Variants in TRIP12 observed in about 807,000 individuals in gnomAD.
TRIP12 encodes E3 ubiquitin-protein ligase TRIP12.
In TRIP12, 25 loss-of-function variants were observed where a neutral mutation model predicts 244.2. The observed-to-expected ratio is 0.10, with a 90% CI of 0.07 to 0.14. TRIP12 has a LOEUF of 0.14. Among genes scored for constraint, TRIP12 ranks in the 10% least tolerant of loss-of-function variants. TRIP12 has a pLI of 1.00. For synonymous variants in TRIP12, 905 were observed against 873.1 expected (o/e 1.04, Z -0.64); for missense variants, 1,677 against 2,486.4 (o/e 0.67, Z 6.92).
chr2:229,775,841 T>C (rs2036073276), intron 37 of TRIP12, among the ~76,000 whole-genome samples: 1 of 151,938 alleles, frequency 6.6e-6, no homozygotes, highest in African/African-American at 2.4e-5. Context: ...CCATTTCTCA[T>C]GCTCTTGTTC....
chr2:229,821,309 T>A (rs1196082377), intron 8 of TRIP12, among the ~76,000 whole-genome samples: 2 of 152,172 alleles, frequency 1.3e-5, no homozygotes, highest in Non-Finnish European at 2.9e-5. Context: ...TTGGTAACTA[T>A]TATTAGTTTT....
At chr2:229,821,852 T>TAGAG (rs1364437724) in intron 8 of TRIP12, among the ~76,000 whole-genome samples, 3 of 152,068 alleles carry the variant, frequency 2.0e-5, no homozygotes, top group Admixed American at 2.0e-4. Flanking sequence ...TGAAAACTGA[T>TAGAG]AGAGGGGCCA....
intron 2 of TRIP12, 63 bp downstream of exon 2, chr2:229,879,919 G>C (rs2064469321): frequency 6.4e-7 from 1 of 1,573,508 alleles, no homozygotes; most frequent in African/African-American, 1.4e-5. Context: ...ACCTCGCAAG[G>C]AGGCTTAAAA....
At chr2:229,831,024 C>T (rs2053203790) in intron 6 of TRIP12, 185 bp from the exon 7 acceptor site, 6 of 685,804 alleles carry the variant, frequency 8.7e-6, no homozygotes, top group South Asian at 5.0e-5. Flanking sequence ...GAAAGGAGAG[C>T]TCAACTATTT....
chr2:229,913,013 G>A (rs548641574), intron 1 of TRIP12, among the ~76,000 whole-genome samples: 56 of 152,160 alleles, frequency 3.7e-4, no homozygotes, highest in African/African-American at 1.3e-3. Flanking sequence ...ACCACATCAG[G>A]CTAATTTTTT....
In TRIP12 at chr2:229,864,035, AGAGAGAGAGAGAGTGTGT is replaced by A. The variant is rs1488091167; in HGVS notation, c.99-3522_99-3505del. Among the ~76,000 whole-genome samples the A allele has an allele frequency of 5.3e-4, 71 of 133,140 alleles. No individual in the cohort carries two copies. In the East Asian group the frequency reaches 5.7e-3, roughly 11 times the overall value. The allele number at this position is 133,140 out of a possible 152,430, so 87.3% of individuals were successfully genotyped here. On this transcript the variant is annotated intron_variant, in intron 2 of 41. Transcript: ENST00000675903. Reference sequence around the variant, plus strand: ...GAGAGAGAGAGAGAGAGAGAGAGAGAGAGAGAGAGAGAGTGTGTGTGTGTGTGTGTGTGTGTGTGTGTG... The same window carrying A: ...GAGAGAGAGAGAGAGAGAGAGAGAGAGTGTGTGTGTGTGTGTGTGTGTGTG...
At chr2:229,798,598 A>G (rs2043405449) in intron 23 of TRIP12, among the ~76,000 whole-genome samples, 1 of 152,202 alleles carries the variant, frequency 6.6e-6, no homozygotes, top group South Asian at 2.1e-4. Flanking sequence ...AAACTGAGGA[A>G]GAGGTTCCCC....
intron 4 of TRIP12, among the ~76,000 whole-genome samples, chr2:229,846,188 AAAG>A (rs2057547430): frequency 6.6e-6 from 1 of 152,188 alleles, no homozygotes; most frequent in South Asian, 2.1e-4. Context: ...TCCAATTCTC[AAAG>A]AAGTTCTACT....
chr2:229,805,723 T>C lies in TRIP12; in HGVS notation c.2650+7A>G, dbSNP rs2045724108. The C allele has an allele frequency of 6.3e-7, 1 of 1,577,140 alleles. No individual in the cohort carries two copies. The highest frequency in any genetic ancestry group is 8.7e-7 in the Non-Finnish European group (1 of 1,151,632). ...TATAGTGCTATTTTAACTCAGAATG[T>C]ACTTACTAGTGTTACTATTGGCTAA... On this transcript the variant is annotated splice_region_variant and intron_variant, in intron 18 of 41. Coordinates refer to ENST00000675903, the MANE Select transcript of TRIP12 (RefSeq NM_001348323.3).
intron 40 of TRIP12, 46 bp downstream of exon 40, chr2:229,769,185 A>G: frequency 1.3e-6 from 2 of 1,560,932 alleles, no homozygotes; most frequent in Non-Finnish European, 1.8e-6. Flanking sequence ...ACCCCTCTCC[A>G]CATTCTTCAG....
chr2:229,807,401 A>G (rs1180654277), intron 17 of TRIP12: 2 of 343,796 alleles, frequency 5.8e-6, no homozygotes, highest in Non-Finnish European at 1.1e-5. Flanking sequence ...GAAGATAGAT[A>G]AATTTTAGAA....
chr2:229,830,466 T>C (rs887044211), intron 7 of TRIP12, among the ~76,000 whole-genome samples: 1 of 152,170 alleles, frequency 6.6e-6, no homozygotes, highest in African/African-American at 2.4e-5. Flanking sequence ...TTTCAAGATT[T>C]TTAACTTATT....
At chr2:229,792,909 C>T (rs1047484708) in intron 27 of TRIP12, 64 bp downstream of exon 27, 3 of 1,493,890 alleles carry the variant, frequency 2.0e-6, no homozygotes, top group African/African-American at 2.8e-5. Context: ...ATGTATGTAA[C>T]TCTTAATGTA....
intron 1 of TRIP12, chr2:229,900,902 T>C (rs1410160120): frequency 6.6e-6 from 1 of 151,546 alleles, no homozygotes; most frequent in Non-Finnish European, 1.5e-5. Context: ...AATAGGTGAA[T>C]TGTATGGCAT....
At chr2:229,845,344 C>A (rs934653789) in intron 4 of TRIP12, among the ~76,000 whole-genome samples, 1 of 152,174 alleles carries the variant, frequency 6.6e-6, no homozygotes, top group Non-Finnish European at 1.5e-5. Flanking sequence ...CAGGTGTTGA[C>A]AAACGGCAGC....
chr2:229,877,248 A>G (rs187667888), intron 2 of TRIP12, among the ~76,000 whole-genome samples: 3 of 152,188 alleles, frequency 2.0e-5, no homozygotes, highest in Admixed American at 1.3e-4. Flanking sequence ...ACAATTTACA[A>G]AATTTTTTAG....
chr2:229,841,303 C>T (rs2056370623), intron 4 of TRIP12, among the ~76,000 whole-genome samples: 1 of 152,164 alleles, frequency 6.6e-6, no homozygotes, highest in African/African-American at 2.4e-5. Flanking sequence ...AACTTTGTTA[C>T]ACTGTTCTTA....
At chr2:229,914,153 C>T (rs2074916492) in intron 1 of TRIP12, among the ~76,000 whole-genome samples, 1 of 151,890 alleles carries the variant, frequency 6.6e-6, no homozygotes, top group African/African-American at 2.4e-5. Context: ...TGCAGTGAGT[C>T]GGGATCGCAC....
At chr2:229,896,405 A>C (rs2068837540) in intron 1 of TRIP12, among the ~76,000 whole-genome samples, 1 of 152,148 alleles carries the variant, frequency 6.6e-6, no homozygotes, top group South Asian at 2.1e-4. Flanking sequence ...TGAGAGGCTG[A>C]GGCAGGTGGA....
Sources: allele counts gnomAD v4.1 joint callset (sites outside exome capture counted in the v4.1 genomes callset), GRCh38; gene constraint gnomAD v4.1.1; transcripts MANE v1.5; gene names NCBI Gene and HGNC (gene_info 2026-07-23, HGNC 2026-07-21).